Variants in SKI observed in about 807,000 individuals in gnomAD.
SKI encodes the protein ski oncogene.
In SKI, 23 loss-of-function variants were observed where a neutral mutation model predicts 59.3. That is an observed-to-expected ratio of 0.39 (90% confidence interval 0.28 to 0.55). The LOEUF is 0.55. Among genes scored for constraint, SKI ranks in the 20% least tolerant of loss-of-function variants. The probability of loss-of-function intolerance (pLI) is 0.67; values close to 1 mark genes in which losing one functional copy is unlikely to be tolerated. For missense variants in SKI, 1,017 were observed against 1,038.9 expected, an observed-to-expected ratio of 0.98 and a Z score of 0.29; for synonymous variants, 673 against 488.6, an observed-to-expected ratio of 1.38 and a Z score of -4.98.
At chr1:2,289,418 C>T (rs985377291) in intron 1 of SKI, among the ~76,000 whole-genome samples, 1 of 151,814 alleles carries the variant, frequency 6.6e-6, no homozygotes, top group Non-Finnish European at 1.5e-5. Context: ...GAGGCCCCTC[C>T]TCTAAGATCA....
In SKI at chr1:2,229,456, G is replaced by T. The variant is rs754986836; in HGVS notation, c.690G>T (p.Gly230=). Residue 230 remains glycine (G), a synonymous_variant, in exon 1 of 7, where the codon GGG becomes GGT. Coordinates refer to ENST00000378536, the MANE Select transcript of SKI (RefSeq NM_003036.4). This position sits in a 1 kb window ranked among gnomAD's most constrained non-coding sequence, Gnocchi z 6.3. ...VYHECFGKCK[G]LLVPELYSSP... ...ACGAGTGCTTCGGCAAGTGTAAGGGGCTGCTGGTGCCCGAGCTCTACAGCA... is the reference window on the plus strand; with the variant it reads ...ACGAGTGCTTCGGCAAGTGTAAGGGTCTGCTGGTGCCCGAGCTCTACAGCA... The T allele has an allele frequency of 1.2e-6, 2 of 1,612,122 alleles. No homozygotes were observed. The highest frequency in any genetic ancestry group is 1.3e-5 in the African/African-American group (1 of 75,050).
chr1:2,303,328 G>T lies in SKI; in HGVS notation c.1139G>T (p.Arg380Leu), dbSNP rs760033804. 1 of 1,613,796 alleles carries T rather than the reference G, an allele frequency of 6.2e-7. No homozygotes were observed. Among genetic ancestry groups the T allele is most frequent in the South Asian group, 1.1e-5 (1 of 91,078 alleles). The change falls in exon 3 of 7, where the codon CGA (arginine) becomes CTA (leucine). Residue 380 changes from arginine (R) to leucine (L), a missense_variant. By Grantham distance (102) the Arg-to-Leu change is moderately radical. Coordinates refer to ENST00000378536, the MANE Select transcript of SKI (RefSeq NM_003036.4). The surrounding 1 kb of genome is among the most constrained non-coding windows in gnomAD (Gnocchi z 5.6). ...VHPRQRLSAF[R>L]PWSPAVSASE... ...CCTCGCCAGCGCCTCTCTGCTTTCC[G>T]ACCCTGGTCCCCCGCAGTGTCAGCG...
At chr1:2,261,830 G>A (rs1463222899) in intron 1 of SKI, among the ~76,000 whole-genome samples, 2 of 147,722 alleles carry the variant, frequency 1.4e-5, no homozygotes, top group African/African-American at 2.5e-5. Flanking sequence ...TCTGGAAGGC[G>A]TGGAATCAGA....
intron 1 of SKI, among the ~76,000 whole-genome samples, chr1:2,248,609 T>C (rs536415533): frequency 7.9e-5 from 12 of 152,310 alleles, no homozygotes; most frequent in Admixed American, 1.3e-4. Flanking sequence ...TCTGCGCTGG[T>C]TCAGAAAAGC....
intron 1 of SKI, among the ~76,000 whole-genome samples, chr1:2,283,266 C>T (rs1467743742): frequency 6.6e-6 from 1 of 152,230 alleles, no homozygotes; most frequent in Non-Finnish European, 1.5e-5. Flanking sequence ...CGCCAGGCCT[C>T]ACTCAGTCTC....
intron 1 of SKI, among the ~76,000 whole-genome samples, chr1:2,293,992 G>A (rs1640228189): frequency 6.6e-6 from 1 of 152,202 alleles, no homozygotes; most frequent in African/African-American, 2.4e-5. Context: ...TTTCATCTGT[G>A]GCCTCGGAGG....
chr1:2,306,728 C>A lies in SKI; in HGVS notation c.2150C>A (p.Ala717Asp). The change falls in exon 7 of 7, where the codon GCT becomes GAT. Residue 717 changes from alanine (A) to aspartate (D), a missense_variant. Physicochemically the swap from Ala to Asp is moderately radical, Grantham distance 126. Coordinates refer to ENST00000378536, the MANE Select transcript of SKI (RefSeq NM_003036.4). ...CTGTGGCCGCGGGCCCGCCCCGAGGCTGCGGGCAGCGAGGGCGCTGCGGAG... is the reference window on the plus strand; with the variant it reads ...CTGTGGCCGCGGGCCCGCCCCGAGGATGCGGGCAGCGAGGGCGCTGCGGAG... ...EQLWPRARPEAAGSEGAAELE... is the reference protein window; with the variant it reads ...EQLWPRARPEDAGSEGAAELE... 6.5e-7 allele frequency: 1 copy of A among 1,532,546 alleles called. No individual in the cohort carries two copies. Among genetic ancestry groups the A allele is most frequent in the Non-Finnish European group, 8.8e-7 (1 of 1,141,426 alleles). The allele number at this position is 1,532,546 out of a possible 1,614,324, so 94.9% of individuals were successfully genotyped here. A position where few individuals can be genotyped will look rare whatever the true frequency, so the allele number is the denominator to read the frequency against.
In SKI at chr1:2,273,324, C is replaced by T. The variant is rs142001752; in HGVS notation, c.970-29654C>T. 1.5e-4 allele frequency among the ~76,000 whole-genome samples: 23 copies of T among 152,262 alleles called. No individual in the cohort carries two copies. The East Asian group carries it at 2.9e-3, about 19-fold the overall frequency. ...GGCCACTCCTCCTTCCCGCCAGTGC[C>T]GGAGACCCTCGGAAGTGTATGTGGA... On this transcript the variant is annotated intron_variant, in intron 1 of 6. Transcript: ENST00000378536.
chr1:2,301,064 G>T (rs897949395), intron 1 of SKI, among the ~76,000 whole-genome samples: 1 of 152,166 alleles, frequency 6.6e-6, no homozygotes, highest in Non-Finnish European at 1.5e-5. Flanking sequence ...CTTTTCCCCG[G>T]GTGATAACTG....
intron 1 of SKI, among the ~76,000 whole-genome samples, chr1:2,299,890 C>T (rs1640381683): frequency 6.6e-6 from 1 of 152,192 alleles, no homozygotes; most frequent in African/African-American, 2.4e-5. Context: ...CTGAGACTCC[C>T]CCATGGGGAG....
chr1:2,303,726 CG>C lies in SKI; in HGVS notation c.1212-112del. 1 of 1,382,404 alleles carries C rather than the reference CG, an allele frequency of 7.2e-7. No individual in the cohort carries two copies. Among genetic ancestry groups the C allele is most frequent in the South Asian group, 1.2e-5 (1 of 80,102 alleles). The allele number at this position is 1,382,404 out of a possible 1,614,324, so 85.6% of individuals were successfully genotyped here. The stretch of plus-strand genomic sequence containing the variant: ...GAACTGTAAGCTTGACTTGAAGATT[CG>C]GAGCTGGGAAAGTCTTTCCTGTTTA... On this transcript the variant is annotated intron_variant, in intron 3 of 6. Transcript: ENST00000378536. This position sits in a 1 kb window ranked among gnomAD's most constrained non-coding sequence, Gnocchi z 5.6.
intron 1 of SKI, among the ~76,000 whole-genome samples, chr1:2,274,386 G>A (rs1370097680): frequency 6.6e-6 from 1 of 152,056 alleles, no homozygotes; most frequent in Non-Finnish European, 1.5e-5. Flanking sequence ...TGCAGGTCAC[G>A]ACCACCCATG....
chr1:2,277,658 G>A (rs1400627998), intron 1 of SKI, among the ~76,000 whole-genome samples: 3 of 152,000 alleles, frequency 2.0e-5, no homozygotes, highest in South Asian at 2.1e-4. Context: ...CACTGTGGGC[G>A]CACACACCTG....
At chr1:2,255,826 G>A (rs542175988) in intron 1 of SKI, among the ~76,000 whole-genome samples, 1 of 150,498 alleles carries the variant, frequency 6.6e-6, no homozygotes, top group Admixed American at 6.6e-5. Context: ...CCTTTGTCCT[G>A]ACCTCATTTC....
chr1:2,294,167 C>G (rs1640232703), intron 1 of SKI, among the ~76,000 whole-genome samples: 2 of 152,176 alleles, frequency 1.3e-5, no homozygotes, highest in Non-Finnish European at 2.9e-5. Context: ...GCTTCCAGAG[C>G]CTCCCTCCCA....
At chr1:2,299,248 C>T (rs935768959) in intron 1 of SKI, among the ~76,000 whole-genome samples, 3 of 78,038 alleles carry the variant, frequency 3.8e-5, no homozygotes, top group African/African-American at 1.0e-4. Flanking sequence ...GTCCCTGCCT[C>T]GGGGAGGGGG....
chr1:2,239,811 C>G (rs1021470912), intron 1 of SKI, among the ~76,000 whole-genome samples: 1 of 152,210 alleles, frequency 6.6e-6, no homozygotes, highest in Non-Finnish European at 1.5e-5. Flanking sequence ...TCATCCTGCC[C>G]TCCGGGGCGT....
In SKI at chr1:2,270,354, C is replaced by T. The variant is rs538707959; in HGVS notation, c.970-32624C>T. Among the ~76,000 whole-genome samples the T allele has an allele frequency of 1.3e-5, 2 of 152,308 alleles. No homozygotes were observed. Among genetic ancestry groups the T allele is most frequent in the African/African-American group, 2.4e-5 (1 of 41,580 alleles). On this transcript the variant is annotated intron_variant, in intron 1 of 6. Transcript: ENST00000378536. This position sits in a 1 kb window ranked among gnomAD's most constrained non-coding sequence, Gnocchi z 4.1. ...CTCTGACGCCACGGCCTGAGGCAGC[C>T]GTTGGACAGTGCCCATCTTGAATGC...
chr1:2,281,170 G>A (rs1216731940), intron 1 of SKI, among the ~76,000 whole-genome samples: 1 of 25,568 alleles, frequency 3.9e-5, no homozygotes, highest in Non-Finnish European at 7.8e-5. Flanking sequence ...GAGAGAGGAC[G>A]CCCGAGAGGA....
Sources: gnomAD v4.1 joint callset for allele counts (sites outside exome capture counted in the v4.1 genomes callset) on GRCh38, gnomAD v4.1.1 for gene constraint, Gnocchi (gnomAD v3.1) non-coding constraint, MANE v1.5 for transcripts, NCBI Gene and HGNC (gene_info 2026-07-23, HGNC 2026-07-21) for gene names.